The following CNTN5 variants were observed in gnomAD, a reference collection of about 807,000 sequenced individuals.
CNTN5 encodes the protein contactin 5.
A neutral mutation model predicts 129.1 loss-of-function variants in CNTN5; 77 were observed. The observed-to-expected ratio is 0.60, with a 90% CI of 0.50 to 0.72. The LOEUF (loss-of-function observed/expected upper bound fraction) is 0.72. Ranked by LOEUF, CNTN5 falls within the 30% of genes least tolerant of loss-of-function variation. The pLI, the probability that CNTN5 is intolerant of heterozygous loss-of-function variation, is 0.00. For synonymous variants in CNTN5, 509 were observed against 465.6 expected (o/e 1.09, Z -1.20); for missense variants, 1,478 against 1,328.8 (o/e 1.11, Z -1.75).
intron 3 of CNTN5, among the ~76,000 whole-genome samples, chr11:99,806,505 A>G (rs1946274951): frequency 6.6e-6 from 1 of 152,090 alleles, no homozygotes; most frequent in Non-Finnish European, 1.5e-5. Context: ...ACTTTTAATA[A>G]GAAAATTCAA....
intron 1 of CNTN5, among the ~76,000 whole-genome samples, chr11:99,221,310 G>A (rs1414824697): frequency 6.6e-6 from 1 of 151,780 alleles, no homozygotes; most frequent in Non-Finnish European, 1.5e-5. Flanking sequence ...GAAATAATTG[G>A]ATTTTCTCAG....
At chr11:99,341,666 A>G (rs1034319835) in intron 2 of CNTN5, among the ~76,000 whole-genome samples, 18 of 152,214 alleles carry the variant, frequency 1.2e-4, no homozygotes, top group African/African-American at 4.1e-4. Flanking sequence ...GAAGTATGTT[A>G]TCTACAAACA....
chr11:99,484,979 A>T (rs1945752794), intron 2 of CNTN5, among the ~76,000 whole-genome samples: 1 of 152,146 alleles, frequency 6.6e-6, no homozygotes. Context: ...TTACAGCTAG[A>T]TAGGAGGAAT....
At chr11:99,050,746 T>C (rs1303295848) in intron 1 of CNTN5, among the ~76,000 whole-genome samples, 1 of 135,440 alleles carries the variant, frequency 7.4e-6, no homozygotes, top group Non-Finnish European at 1.6e-5. Flanking sequence ...AGTTTCAGAA[T>C]TTTCATTTTT....
At chr11:100,016,642 C>T (rs572469996) in intron 9 of CNTN5, among the ~76,000 whole-genome samples, 7 of 151,646 alleles carry the variant, frequency 4.6e-5, no homozygotes, top group Admixed American at 6.6e-5. Flanking sequence ...ATGGTAGAGC[C>T]GTATGTACAT....
At chr11:99,450,566 CA>C (rs1565592347) in intron 2 of CNTN5, among the ~76,000 whole-genome samples, 1 of 152,000 alleles carries the variant, frequency 6.6e-6, no homozygotes, top group East Asian at 1.9e-4. Context: ...TAAATGTGTT[CA>C]GTCATTTGCC....
At chr11:99,429,932 T>TA (rs61293263) in intron 2 of CNTN5, among the ~76,000 whole-genome samples, 26,415 of 148,996 alleles carry the variant, frequency 0.18, 2,420 homozygotes, top group Middle Eastern at 0.31. Flanking sequence ...CAGACCATGG[T>TA]AAAAAAAAAA....
rs751173228 is a variant in CNTN5, at chr11:99,818,912, A to AT, written c.56-625dup. On this transcript the variant is annotated intron_variant, in intron 3 of 24. Coordinates refer to ENST00000524871, the MANE Select transcript of CNTN5 (RefSeq NM_014361.4). ...AAAACCTAGAAAATAAATTTCATTC[A>AT]TTTTTTTATGTACCAGAGTGAATTT... is the stretch of plus-strand genomic sequence containing the variant. Among the ~76,000 whole-genome samples, 9 of 152,170 alleles carry AT rather than the reference A, an allele frequency of 5.9e-5. No individual in the cohort carries two copies. The South Asian group carries it at 6.2e-4, about 11-fold the overall frequency.
chr11:100,010,255 G>A (rs1254807987), intron 9 of CNTN5, among the ~76,000 whole-genome samples: 1 of 152,036 alleles, frequency 6.6e-6, no homozygotes, highest in Non-Finnish European at 1.5e-5. Context: ...AAGTAACACA[G>A]GGTAAAAATG....
In CNTN5 at chr11:99,177,581, A is replaced by G. The variant is rs114555105; in HGVS notation, c.-209-147765A>G. Among the ~76,000 whole-genome samples, 226 of 152,334 alleles carry G rather than the reference A, an allele frequency of 1.5e-3. 2 individuals carry two copies. Among genetic ancestry groups the G allele is most frequent in the African/African-American group, 5.2e-3 (218 of 41,576 alleles). ...CAAAATCTTGGTGTTATGCATGTCT[A>G]TGGTTCATCGAAAGATTTGGAACAG... On this transcript the variant is annotated intron_variant, in intron 1 of 24. Transcript: ENST00000524871.
chr11:99,803,033 G>C (rs1946161403), intron 3 of CNTN5, among the ~76,000 whole-genome samples: 1 of 151,886 alleles, frequency 6.6e-6, no homozygotes, highest in Admixed American at 6.6e-5. Context: ...GCTCAAGCTG[G>C]TGATCCAGGT....
intron 15 of CNTN5, among the ~76,000 whole-genome samples, chr11:100,214,053 AAG>A (rs1443892608): frequency 1.3e-5 from 2 of 152,194 alleles, no homozygotes; most frequent in African/African-American, 4.8e-5. Flanking sequence ...ATTGCCAAAA[AAG>A]ATGACAAATA....
At chr11:99,850,630 G>C (rs1047705856) in intron 6 of CNTN5, among the ~76,000 whole-genome samples, 2 of 151,344 alleles carry the variant, frequency 1.3e-5, no homozygotes, top group African/African-American at 4.9e-5. Flanking sequence ...TTTTTTACTT[G>C]CTGTGTAAGA....
intron 16 of CNTN5, among the ~76,000 whole-genome samples, chr11:100,238,452 C>T (rs1259352155): frequency 2.7e-5 from 3 of 109,438 alleles, no homozygotes; most frequent in Non-Finnish European, 5.3e-5. Flanking sequence ...AAGGAGAAGG[C>T]GAAAGAGAAG....
At chr11:100,202,405 T>G (rs1258074000) in intron 15 of CNTN5, among the ~76,000 whole-genome samples, 1 of 152,002 alleles carries the variant, frequency 6.6e-6, no homozygotes, top group East Asian at 1.9e-4. Flanking sequence ...CTCATTCTTA[T>G]GAAGTTTATA....
At chr11:99,444,630 A>G (rs1943984960) in intron 2 of CNTN5, among the ~76,000 whole-genome samples, 1 of 152,214 alleles carries the variant, frequency 6.6e-6, no homozygotes, top group Non-Finnish European at 1.5e-5. Context: ...TGCCTATTTA[A>G]TCATATCACC....
rs34622017 is a variant in CNTN5, at chr11:99,792,573, G to GTGTGTGTGTGTGTGTGTC, written c.56-26968_56-26967insGTGTGTGTGTGTGTCTGT. Reference sequence around the variant, plus strand: ...TGTGTGTGTGTGTGTGTGTGTGTGTGTGTCTGTCTGTCTGTCTGTCTGTCT... The same window carrying GTGTGTGTGTGTGTGTGTC: ...TGTGTGTGTGTGTGTGTGTGTGTGTGTGTGTGTGTGTGTGTGTCTGTCTGTCTGTCTGTCTGTCTGTCT... On this transcript the variant is annotated intron_variant, in intron 3 of 24. Coordinates refer to ENST00000524871, the MANE Select transcript of CNTN5 (RefSeq NM_014361.4). Among the ~76,000 whole-genome samples, 629 of 116,618 alleles carry GTGTGTGTGTGTGTGTGTC rather than the reference G, an allele frequency of 5.4e-3. 7 individuals carry two copies. The highest frequency in any genetic ancestry group is 0.014 in the African/African-American group (390 of 27,238). The allele number at this position is 116,618 out of a possible 152,430, so 76.5% of individuals were successfully genotyped here.
intron 2 of CNTN5, among the ~76,000 whole-genome samples, chr11:99,402,125 G>A (rs1314310054): frequency 6.6e-6 from 1 of 152,142 alleles, no homozygotes; most frequent in African/African-American, 2.4e-5. Context: ...AGTGATCATA[G>A]TGAGGATTGT....
intron 4 of CNTN5, among the ~76,000 whole-genome samples, chr11:99,835,597 T>C (rs1254060824): frequency 6.6e-6 from 1 of 152,178 alleles, no homozygotes; most frequent in Admixed American, 6.5e-5. Context: ...ACAACATAAA[T>C]GTGTACGTAA....
Sources: gnomAD v4.1 joint callset for allele counts (sites outside exome capture counted in the v4.1 genomes callset) on GRCh38, gnomAD v4.1.1 for gene constraint, MANE v1.5 for transcripts, NCBI Gene and HGNC (gene_info 2026-07-23, HGNC 2026-07-21) for gene names.